FLT1: variants seen among roughly 807,000 people sequenced by gnomAD.
FLT1 encodes the protein vascular endothelial growth factor receptor 1.
FLT1 carries 49 observed loss-of-function variants against 156.3 expected under a neutral mutation model. The observed-to-expected ratio is 0.31, with a 90% CI of 0.25 to 0.40. The LOEUF is 0.40. FLT1 is among the 10% of genes least tolerant of loss of function. The pLI is 1.00. For synonymous variants in FLT1, 594 were observed against 583.8 expected (o/e 1.02, Z -0.25); for missense variants, 1,322 against 1,637.2 (o/e 0.81, Z 3.32).
intron 17 of FLT1, among the ~76,000 whole-genome samples, chr13:28,336,719 T>C (rs1161329037): frequency 1.3e-5 from 2 of 151,730 alleles, no homozygotes; most frequent in African/African-American, 2.4e-5. Flanking sequence ...AATAGAAAGA[T>C]GCAGTGTTGA....
chr13:28,456,828 G>A (rs1478865681), intron 3 of FLT1, among the ~76,000 whole-genome samples: 12 of 151,866 alleles, frequency 7.9e-5, no homozygotes. Context: ...ATAAGGATAG[G>A]TGTTTGCCAG....
At chr13:28,388,720 C>A in intron 13 of FLT1, 1 of 1,057,268 alleles carries the variant, frequency 9.5e-7, no homozygotes, top group South Asian at 4.6e-5. Context: ...TTTTAAAGGG[C>A]AAATTTTAAA....
At chr13:28,303,469 T>G in intron 29 of FLT1, 101 bp from the exon 30 acceptor site, 2 of 994,504 alleles carry the variant, frequency 2.0e-6, no homozygotes, top group Non-Finnish European at 3.0e-6. Context: ...TGTTCATACC[T>G]GTCTAGAGTT....
intron 1 of FLT1, among the ~76,000 whole-genome samples, chr13:28,476,731 C>T (rs1047456782): frequency 3.9e-5 from 6 of 152,118 alleles, no homozygotes; most frequent in African/African-American, 1.4e-4. Flanking sequence ...TGTCTTGAAT[C>T]CAGGTGTCAA....
At chr13:28,375,179 T>G (rs958334082) in intron 14 of FLT1, among the ~76,000 whole-genome samples, 6 of 152,352 alleles carry the variant, frequency 3.9e-5, no homozygotes, top group African/African-American at 1.4e-4. Context: ...ATCTTGCCAA[T>G]AAAAAGAGAT....
At chr13:28,405,933 C>T (rs1875769579) in intron 10 of FLT1, 39 bp from the exon 11 acceptor site, 1 of 1,057,530 alleles carries the variant, frequency 9.5e-7, no homozygotes, top group East Asian at 2.4e-5. Context: ...GGCTTTACAG[C>T]ATGGTTCAGT....
intron 1 of FLT1, among the ~76,000 whole-genome samples, chr13:28,482,070 T>C (rs564964930): frequency 6.6e-6 from 1 of 152,308 alleles, no homozygotes; most frequent in Admixed American, 6.5e-5. Context: ...AAATAGGGCA[T>C]GAATCTAGAA....
rs545707998 is a variant in FLT1 at position 28,430,043 on chromosome 13, G to A, written c.1106+7C>T. On this transcript the variant is annotated splice_region_variant and intron_variant, in intron 8 of 29. Transcript: ENST00000282397. Reference sequence around the variant, plus strand: ...TTAAACTGTTATGGAAATAAGGATGGTCCTACCATACAACTTCCGGCGAGG... The same window carrying A: ...TTAAACTGTTATGGAAATAAGGATGATCCTACCATACAACTTCCGGCGAGG... 3.4e-5 allele frequency: 53 copies of A among 1,549,620 alleles called. 1 individual carries two copies. In the South Asian group the frequency reaches 5.9e-4, roughly 17 times the overall value.
At chr13:28,342,562 G>C (rs1002842311) in intron 16 of FLT1, among the ~76,000 whole-genome samples, 8 of 152,082 alleles carry the variant, frequency 5.3e-5, no homozygotes, top group Non-Finnish European at 1.2e-4. Flanking sequence ...ATTTACCATA[G>C]AGGATGGCTG....
At chr13:28,430,880 A>G (rs1378198711) in intron 7 of FLT1, among the ~76,000 whole-genome samples, 2 of 152,210 alleles carry the variant, frequency 1.3e-5, no homozygotes, top group Admixed American at 1.3e-4. Flanking sequence ...TCATAAATAT[A>G]TTAGGTTCTA....
Position 28,430,174 on chromosome 13 carries a change from A to G in FLT1, c.989-7T>C, listed in dbSNP as rs1326631285. Reference sequence around the variant, plus strand: ...ACAGTGATGAATGCTTTATCTTTGAAAGGAGAAGTGATACATACATTAGAA... The same window carrying G: ...ACAGTGATGAATGCTTTATCTTTGAGAGGAGAAGTGATACATACATTAGAA... On this transcript the variant is annotated splice_polypyrimidine_tract_variant and splice_region_variant and intron_variant, in intron 7 of 29. Transcript: ENST00000282397. 1 of 1,585,614 alleles carries G rather than the reference A, an allele frequency of 6.3e-7. No homozygotes were observed.
chr13:28,441,967 A>C (rs992416440), intron 3 of FLT1, among the ~76,000 whole-genome samples: 1 of 152,140 alleles, frequency 6.6e-6, no homozygotes, highest in Non-Finnish European at 1.5e-5. Flanking sequence ...GAAAACTATA[A>C]ATTTTGCATT....
chr13:28,372,046 GTGTATATATATATATA>G lies in FLT1; in HGVS notation c.2116+12823_2116+12838del, dbSNP rs1260648078. ...TGTGTGTGTGTGTGTGTGTGTGTGT[GTGTATATATATATATA>G]TATATATATATATATTTTTTTTTTT... On this transcript the variant is annotated intron_variant, in intron 14 of 29. Coordinates refer to ENST00000282397, the MANE Select transcript of FLT1 (RefSeq NM_002019.4). Among the ~76,000 whole-genome samples the G allele has an allele frequency of 4.6e-3, 259 of 56,780 alleles. 2 individuals are homozygous for G. Among genetic ancestry groups the G allele is most frequent in the Middle Eastern group, 0.01 (1 of 96 alleles). The allele number at this position is 56,780 out of a possible 152,430, so 37.2% of individuals were successfully genotyped here. A position where few individuals can be genotyped will look rare whatever the true frequency, so the allele number is the denominator to read the frequency against.
chr13:28,469,417 G>A (rs1042015654), intron 1 of FLT1, among the ~76,000 whole-genome samples: 1 of 152,218 alleles, frequency 6.6e-6, no homozygotes, highest in Non-Finnish European at 1.5e-5. Context: ...GATTCAGTTA[G>A]AAGATCTGCG....
chr13:28,330,717 A>C (rs149628144), intron 18 of FLT1, among the ~76,000 whole-genome samples: 50 of 148,878 alleles, frequency 3.4e-4, no homozygotes, highest in African/African-American at 1.1e-3. Context: ...TTTATTTTTT[A>C]TTTTTATTTT....
intron 10 of FLT1, among the ~76,000 whole-genome samples, chr13:28,423,168 C>A (rs1044858759): frequency 3.3e-5 from 5 of 152,134 alleles, no homozygotes; most frequent in African/African-American, 7.2e-5. Context: ...TCAGCTCCCC[C>A]ACATGCCCAG....
intron 1 of FLT1, among the ~76,000 whole-genome samples, chr13:28,478,459 G>A (rs906489230): frequency 2.0e-5 from 3 of 152,196 alleles, no homozygotes; most frequent in Non-Finnish European, 4.4e-5. Flanking sequence ...ATCCCTGTGG[G>A]TTCCCTTAGA....
intron 9 of FLT1, 98 bp from the exon 10 acceptor site, chr13:28,427,416 G>A: frequency 1.8e-6 from 2 of 1,128,382 alleles, no homozygotes; most frequent in East Asian, 2.4e-5. Context: ...TGGCTTTGAT[G>A]TCAGGGAAAC....
intron 10 of FLT1, among the ~76,000 whole-genome samples, chr13:28,419,771 T>C (rs1196544153): frequency 6.6e-6 from 1 of 152,080 alleles, no homozygotes; most frequent in Non-Finnish European, 1.5e-5. Flanking sequence ...CCCAGCTACT[T>C]GGGAGGCTGA....
Sources: allele counts gnomAD v4.1 joint callset (sites outside exome capture counted in the v4.1 genomes callset), GRCh38; gene constraint gnomAD v4.1.1; transcripts MANE v1.5; gene names NCBI Gene and HGNC (gene_info 2026-07-23, HGNC 2026-07-21).